The following SPAG16 variants were observed in gnomAD, a reference collection of about 807,000 sequenced individuals.
The protein encoded by SPAG16 is sperm associated antigen 16, also known as sperm-associated antigen 16 protein.
A neutral mutation model predicts 80.4 loss-of-function variants in SPAG16; 86 were observed. The observed-to-expected ratio is 1.07, with a 90% CI of 0.90 to 1.28. The LOEUF (loss-of-function observed/expected upper bound fraction) is 1.28. Ranked by LOEUF, SPAG16 falls within the 50% of genes most tolerant of loss-of-function variation. SPAG16 has a pLI of 0.00. For missense variants in SPAG16, 870 were observed against 765.3 expected (o/e 1.14, Z -1.61); for synonymous variants, 294 against 265.9 (o/e 1.11, Z -1.03).
At chr2:213,688,970 C>CT (rs1311773201) in intron 10 of SPAG16, among the ~76,000 whole-genome samples, 1 of 151,952 alleles carries the variant, frequency 6.6e-6, no homozygotes, top group African/African-American at 2.4e-5. Context: ...AAAATGTTCT[C>CT]TTTTTTTGAG....
rs558054764 is a variant in SPAG16, at chr2:213,586,981, T to G, written c.1070+96891T>G. Among the ~76,000 whole-genome samples the G allele has an allele frequency of 2.1e-4, 32 of 152,292 alleles. 1 individual carries two copies. Among genetic ancestry groups the G allele is most frequent in the Admixed American group, 8.5e-4 (13 of 15,306 alleles). On this transcript the variant is annotated intron_variant, in intron 10 of 15. Transcript: ENST00000331683. ...TCTTCAGTGTCTCTGTGCCTGAGCC[T>G]CCTTGCCATGCTATTGTGATTGTCT... is the stretch of plus-strand genomic sequence containing the variant.
intron 13 of SPAG16, among the ~76,000 whole-genome samples, chr2:214,083,358 G>A (rs145575007): frequency 9.2e-5 from 14 of 152,212 alleles, no homozygotes; most frequent in Non-Finnish European, 1.9e-4. Flanking sequence ...CTGAGTTAAG[G>A]AGGCAGTTTT....
At chr2:213,446,530 CAAAAT>C (rs146980117) in intron 9 of SPAG16, among the ~76,000 whole-genome samples, 3,531 of 152,232 alleles carry the variant, frequency 0.023, 56 homozygotes, top group South Asian at 0.038. Context: ...CATAGGCAGA[CAAAAT>C]AAAGTAAAAA....
rs566016259 is a variant in SPAG16 at position 213,677,115 on chromosome 2, G to C, written c.1071-185370G>C. ...TTCTTCCTGGTTTAGTCTTGGGAGAGTGTATGTGTCGAGGAAAGGAACAAC... is the reference window on the plus strand; with the variant it reads ...TTCTTCCTGGTTTAGTCTTGGGAGACTGTATGTGTCGAGGAAAGGAACAAC... On this transcript the variant is annotated intron_variant, in intron 10 of 15. Coordinates refer to ENST00000331683, the MANE Select transcript of SPAG16 (RefSeq NM_024532.5). 2.0e-5 allele frequency among the ~76,000 whole-genome samples: 3 copies of C among 152,104 alleles called. No homozygotes were observed. In the South Asian group the frequency reaches 6.2e-4, roughly 32 times the overall value.
At chr2:213,583,008 T>C (rs1158851394) in intron 10 of SPAG16, among the ~76,000 whole-genome samples, 3 of 152,178 alleles carry the variant, frequency 2.0e-5, no homozygotes, top group Non-Finnish European at 4.4e-5. Context: ...TCATTTTTTA[T>C]TTAAAGGTAA....
Position 214,168,904 on chromosome 2 carries a change from G to A in SPAG16, c.1720+19638G>A, listed in dbSNP as rs375563010. Among the ~76,000 whole-genome samples the A allele has an allele frequency of 4.6e-5, 7 of 152,224 alleles. No individual in the cohort carries two copies. In the East Asian group the frequency reaches 1.4e-3, roughly 29 times the overall value. ...GGGAAACTGTGACAAGGTAGCCTGA[G>A]CAAGTGTTGTTACTTCAAATGCAGC... On this transcript the variant is annotated intron_variant, in intron 15 of 15. Coordinates refer to ENST00000331683, the MANE Select transcript of SPAG16 (RefSeq NM_024532.5).
chr2:214,077,299 T>A (rs1353440330), intron 13 of SPAG16, among the ~76,000 whole-genome samples: 1 of 152,200 alleles, frequency 6.6e-6, no homozygotes, highest in Non-Finnish European at 1.5e-5. Flanking sequence ...CTCTTGTTTC[T>A]GTTTCAACCT....
chr2:213,588,634 C>G (rs1446118309), intron 10 of SPAG16, among the ~76,000 whole-genome samples: 1 of 150,408 alleles, frequency 6.6e-6, no homozygotes, highest in Admixed American at 6.6e-5. Flanking sequence ...AACCCCGTCT[C>G]TACTAAAAAT....
chr2:213,962,223 TCA>T (rs2044473766), intron 12 of SPAG16, among the ~76,000 whole-genome samples: 1 of 150,988 alleles, frequency 6.6e-6, no homozygotes, highest in Non-Finnish European at 1.5e-5. Context: ...AGATGGAGTC[TCA>T]CTCTGTTGCC....
intron 13 of SPAG16, among the ~76,000 whole-genome samples, chr2:214,018,860 A>G (rs1220984114): frequency 6.6e-6 from 1 of 152,198 alleles, no homozygotes; most frequent in East Asian, 1.9e-4. Context: ...AATCATTAAT[A>G]TGATCTAACA....
intron 10 of SPAG16, among the ~76,000 whole-genome samples, chr2:213,651,278 C>A (rs2063008320): frequency 6.6e-6 from 1 of 151,988 alleles, no homozygotes; most frequent in Non-Finnish European, 1.5e-5. Context: ...GACTCTAGGG[C>A]AGGATCAGTC....
At chr2:213,652,246 C>T (rs2063050642) in intron 10 of SPAG16, among the ~76,000 whole-genome samples, 1 of 152,004 alleles carries the variant, frequency 6.6e-6, no homozygotes, top group Admixed American at 6.6e-5. Flanking sequence ...GTGCTTGTCT[C>T]ATTATGTTCT....
At chr2:213,426,830 G>GATAC (rs1159256156) in intron 9 of SPAG16, among the ~76,000 whole-genome samples, 13 of 69,634 alleles carry the variant, frequency 1.9e-4, no homozygotes, top group East Asian at 6.3e-4. Flanking sequence ...AGATTATTCT[G>GATAC]ATACATACAC....
At chr2:214,190,042 A>G (rs1296349677) in intron 15 of SPAG16, among the ~76,000 whole-genome samples, 3 of 152,112 alleles carry the variant, frequency 2.0e-5, no homozygotes, top group Admixed American at 1.3e-4. Flanking sequence ...GTTTTGCACT[A>G]TCAAACTCTG....
chr2:214,051,864 T>C (rs2049662509), intron 13 of SPAG16, among the ~76,000 whole-genome samples: 1 of 152,202 alleles, frequency 6.6e-6, no homozygotes, highest in Non-Finnish European at 1.5e-5. Flanking sequence ...CTCAATATTA[T>C]AGGGTTTTTA....
intron 9 of SPAG16, among the ~76,000 whole-genome samples, chr2:213,471,985 T>G (rs2073104619): frequency 1.3e-5 from 2 of 152,224 alleles, no homozygotes; most frequent in African/African-American, 4.8e-5. Context: ...GTCAGATTTA[T>G]TTTCCATCTT....
chr2:213,602,655 A>G (rs750673752), intron 10 of SPAG16, among the ~76,000 whole-genome samples: 3 of 152,204 alleles, frequency 2.0e-5, no homozygotes, highest in Non-Finnish European at 4.4e-5. Context: ...AGCAACAACA[A>G]CAACAAAAAG....
At chr2:213,729,818 T>C (rs151083501) in intron 10 of SPAG16, among the ~76,000 whole-genome samples, 2 of 152,370 alleles carry the variant, frequency 1.3e-5, no homozygotes, top group Non-Finnish European at 2.9e-5. Flanking sequence ...CAGATTTTTG[T>C]GGAAGGTATT....
At chr2:213,288,409 A>G (rs137898591) in intron 1 of SPAG16, among the ~76,000 whole-genome samples, 2,094 of 152,012 alleles carry the variant, frequency 0.014, 30 homozygotes, top group Non-Finnish European at 0.022. Flanking sequence ...GATTCGTGCC[A>G]TTCTGCTGCC....
Sources: allele counts gnomAD v4.1 joint callset (sites outside exome capture counted in the v4.1 genomes callset), GRCh38; gene constraint gnomAD v4.1.1; transcripts MANE v1.5; gene names NCBI Gene and HGNC (gene_info 2026-07-23, HGNC 2026-07-21).